Variants in CDC42EP4 observed in about 807,000 individuals in gnomAD.
CDC42EP4 encodes CDC42 effector protein 4, also known as CDC42 effector protein (Rho GTPase binding) 4.
In CDC42EP4, 6 loss-of-function variants were observed where a neutral mutation model predicts 5.6. That is an observed-to-expected ratio of 1.07 (90% CI 0.59 to 2.12). The LOEUF is 2.12. Among genes scored for constraint, CDC42EP4 ranks in the 30% most tolerant of loss-of-function variants. CDC42EP4 has a pLI of 0.00. For synonymous variants in CDC42EP4, 230 were observed against 224.2 expected (o/e 1.03, Z -0.23); for missense variants, 490 against 508.6 (o/e 0.96, Z 0.35).
At position 73,286,514 on chromosome 17, in the gene CDC42EP4, C is replaced by T. The variant is rs368134711; in HGVS notation, c.-14G>A. On this transcript the variant is annotated 5_prime_UTR_variant, in exon 2 of 2. Transcript: ENST00000335793. The surrounding 1 kb of genome is among the most constrained non-coding windows in gnomAD (Gnocchi z 7.7). ...GAGGATTGGCATCTTGCTGGATGGG[C>T]GGGGAGGTGGGCCCTCCCGAGGTAG... 120 of 1,566,654 alleles carry T rather than the reference C, an allele frequency of 7.7e-5. No individual in the cohort carries two copies. The highest frequency in any genetic ancestry group is 1.9e-4 in the Middle Eastern group (1 of 5,212).
chr17:73,311,146 C>T (rs1339936733), intron 1 of CDC42EP4: 1 of 152,206 alleles, frequency 6.6e-6, no homozygotes, highest in East Asian at 1.9e-4. Flanking sequence ...CGACTGCCCT[C>T]CCCCCGCACC....
chr17:73,289,148 C>T (rs910448059), intron 1 of CDC42EP4, among the ~76,000 whole-genome samples: 3 of 152,182 alleles, frequency 2.0e-5, no homozygotes, highest in African/African-American at 4.8e-5. Context: ...TAAATATTCT[C>T]GGCCTTGTGG....
chr17:73,302,214 T>C (rs1460578671), intron 1 of CDC42EP4, among the ~76,000 whole-genome samples: 1 of 152,196 alleles, frequency 6.6e-6, no homozygotes, highest in Non-Finnish European at 1.5e-5. Context: ...TCTAAGCAAC[T>C]ATATGATTGA....
At position 73,307,597 on chromosome 17, in the gene CDC42EP4, A is replaced by G. The variant is rs562484971; in HGVS notation, c.-113+4296T>C. 1.7e-3 allele frequency among the ~76,000 whole-genome samples: 250 copies of G among 151,198 alleles called. 3 individuals carry two copies. Among genetic ancestry groups the G allele is most frequent in the Non-Finnish European group, 2.9e-3 (194 of 67,738 alleles). On this transcript the variant is annotated intron_variant, in intron 1 of 1. Coordinates refer to ENST00000335793, the MANE Select transcript of CDC42EP4 (RefSeq NM_012121.5). ...CAAGTAGCTGGGACTACAGGCGCCC[A>G]CCACCAAGCCTAGCTAATTTTTTGT...
chr17:73,295,980 A>T (rs2062182548), intron 1 of CDC42EP4, among the ~76,000 whole-genome samples: 1 of 151,952 alleles, frequency 6.6e-6, no homozygotes, highest in South Asian at 2.1e-4. Context: ...CTTTAAAATG[A>T]ATGTGATTTA....
At chr17:73,298,503 G>C (rs1201477528) in intron 1 of CDC42EP4, among the ~76,000 whole-genome samples, 1 of 152,214 alleles carries the variant, frequency 6.6e-6, no homozygotes, top group Non-Finnish European at 1.5e-5. Context: ...GATCCTCTCA[G>C]AGAGATCCTG....
intron 1 of CDC42EP4, among the ~76,000 whole-genome samples, chr17:73,305,131 G>A (rs1261875163): frequency 1.3e-5 from 2 of 152,192 alleles, no homozygotes; most frequent in East Asian, 1.9e-4. Context: ...AAGCAACAAC[G>A]GAGGAGTCAA....
chr17:73,295,226 G>A (rs1224621994), intron 1 of CDC42EP4, among the ~76,000 whole-genome samples: 1 of 152,098 alleles, frequency 6.6e-6, no homozygotes, highest in Non-Finnish European at 1.5e-5. Flanking sequence ...CCAACCCAGT[G>A]GTCTTGATTA....
intron 1 of CDC42EP4, among the ~76,000 whole-genome samples, chr17:73,287,416 G>A (rs909303371): frequency 6.6e-6 from 1 of 152,182 alleles, no homozygotes; most frequent in Non-Finnish European, 1.5e-5. Flanking sequence ...GGGAGGCAGG[G>A]ACTGGACCCT....
At chr17:73,291,687 G>C (rs773220246) in intron 1 of CDC42EP4, among the ~76,000 whole-genome samples, 1 of 152,134 alleles carries the variant, frequency 6.6e-6, no homozygotes, top group Non-Finnish European at 1.5e-5. Flanking sequence ...TGCCTTGGGC[G>C]GGACACCCCC....
In CDC42EP4 at chr17:73,286,079, G is replaced by A; in HGVS notation, c.422C>T (p.Ser141Phe). The A allele has an allele frequency of 1.2e-6, 2 of 1,614,014 alleles. No homozygotes were observed. The highest frequency in any genetic ancestry group is 1.7e-6 in the Non-Finnish European group (2 of 1,180,040). The stretch of plus-strand genomic sequence containing the variant: ...GTCATTGGCCTTCTTCACGGGGCTG[G>A]ATGACAGGCTCTTGGGCAGCTTACT... ...GTSKLPKSLS[S>F]SPVKKANDGE... is the part of the protein sequence containing the mutation. Residue 141 changes from serine (S) to phenylalanine (F), a missense_variant, in exon 2 of 2, where the codon TCC becomes TTC. Physicochemically the swap from Ser to Phe is radical, Grantham distance 155. Transcript: ENST00000335793. The surrounding 1 kb of genome is among the most constrained non-coding windows in gnomAD (Gnocchi z 7.7).
chr17:73,283,667 A>G lies in CDC42EP4; in HGVS notation c.*1763T>C, dbSNP rs1197658780. On this transcript the variant is annotated 3_prime_UTR_variant, in exon 2 of 2. Transcript: ENST00000335793. ...TTAATGTTTCCTCACTGTTTTGACA[A>G]TATCATGAAAAAAATCAGTTTAGAA... 1 of 152,076 alleles carries G rather than the reference A, an allele frequency of 6.6e-6. No individual in the cohort carries two copies. The highest frequency in any genetic ancestry group is 2.4e-5 in the African/African-American group (1 of 41,398). The allele number at this position is 152,076 out of a possible 1,614,324, so 9.4% of individuals were successfully genotyped here.
At chr17:73,298,818 A>T (rs1368632066) in intron 1 of CDC42EP4, among the ~76,000 whole-genome samples, 1 of 152,212 alleles carries the variant, frequency 6.6e-6, no homozygotes, top group African/African-American at 2.4e-5. Context: ...CGTGCCAAGC[A>T]CTGTACTGAG....
chr17:73,311,174 G>C (rs920953104), intron 1 of CDC42EP4: 1 of 152,194 alleles, frequency 6.6e-6, no homozygotes, highest in Non-Finnish European at 1.5e-5. Flanking sequence ...GAGGCGCCTC[G>C]GCCTCCCGGG....
At chr17:73,304,655 TG>T (rs371870281) in intron 1 of CDC42EP4, among the ~76,000 whole-genome samples, 1,094 of 22,002 alleles carry the variant, frequency 0.05, 10 homozygotes, top group African/African-American at 0.17. Flanking sequence ...AACATCGGGG[TG>T]GGGGGGGCGG....
intron 1 of CDC42EP4, among the ~76,000 whole-genome samples, chr17:73,295,493 G>T (rs1036421171): frequency 1.2e-4 from 19 of 152,212 alleles, no homozygotes; most frequent in African/African-American, 4.6e-4. Context: ...CAGGCAGGGG[G>T]AACATTACAA....
intron 1 of CDC42EP4, among the ~76,000 whole-genome samples, chr17:73,290,903 C>T (rs1319786904): frequency 6.6e-6 from 1 of 152,210 alleles, no homozygotes; most frequent in Non-Finnish European, 1.5e-5. Context: ...CCAGGACTCA[C>T]CAGAGAAGCT....
At chr17:73,298,193 T>C (rs994038976) in intron 1 of CDC42EP4, among the ~76,000 whole-genome samples, 1 of 152,162 alleles carries the variant, frequency 6.6e-6, no homozygotes, top group Non-Finnish European at 1.5e-5. Flanking sequence ...GTCTGTTCTC[T>C]CTCTTCCTCC....
At chr17:73,299,496 C>T (rs909548267) in intron 1 of CDC42EP4, among the ~76,000 whole-genome samples, 7 of 149,716 alleles carry the variant, frequency 4.7e-5, no homozygotes, top group South Asian at 2.1e-4. Flanking sequence ...GTAGAGATGG[C>T]ATCTCGCTTT....
Sources: gnomAD v4.1 joint callset for allele counts (sites outside exome capture counted in the v4.1 genomes callset) on GRCh38, gnomAD v4.1.1 for gene constraint, Gnocchi (gnomAD v3.1) non-coding constraint, MANE v1.5 for transcripts, NCBI Gene and HGNC (gene_info 2026-07-23, HGNC 2026-07-21) for gene names.